Variants in NAV2 observed in about 807,000 individuals in gnomAD.
The protein encoded by NAV2 is neuron navigator 2.
In NAV2, 54 loss-of-function variants were observed where a neutral mutation model predicts 223.2. That is an observed-to-expected ratio of 0.24 (90% CI 0.19 to 0.30). The LOEUF (loss-of-function observed/expected upper bound fraction) is 0.30, where lower values mean the gene tolerates loss of function less well. NAV2 is among the 10% of genes least tolerant of loss of function. NAV2 has a pLI of 1.00. For synonymous variants in NAV2, 1,279 were observed against 1,239.3 expected (o/e 1.03, Z -0.67); for missense variants, 2,806 against 3,147.5 (o/e 0.89, Z 2.60).
At chr11:19,607,625 G>A (rs1346432035) in intron 1 of NAV2, among the ~76,000 whole-genome samples, 1 of 152,206 alleles carries the variant, frequency 6.6e-6, no homozygotes, top group Non-Finnish European at 1.5e-5. Flanking sequence ...TCATGGCTCA[G>A]CTCTTTTCCT....
intron 1 of NAV2, among the ~76,000 whole-genome samples, chr11:19,718,648 G>C (rs942363237): frequency 1.1e-4 from 17 of 151,750 alleles, no homozygotes; most frequent in Admixed American, 6.6e-5. Context: ...CTCTTTCTCA[G>C]TTCTTGGAGG....
At chr11:19,534,691 C>T (rs145821358) in intron 1 of NAV2, among the ~76,000 whole-genome samples, 1 of 152,214 alleles carries the variant, frequency 6.6e-6, no homozygotes, top group East Asian at 1.9e-4. Flanking sequence ...AGCAGGGCTC[C>T]CTGTGCAATG....
chr11:20,037,843 A>AT (rs1257383371), intron 12 of NAV2, among the ~76,000 whole-genome samples: 2 of 151,750 alleles, frequency 1.3e-5, no homozygotes, highest in African/African-American at 2.4e-5. Context: ...GTGAACACTA[A>AT]TTTTTTTTTC....
At chr11:19,480,412 C>T (rs2042242977) in intron 1 of NAV2, among the ~76,000 whole-genome samples, 1 of 152,118 alleles carries the variant, frequency 6.6e-6, no homozygotes, top group Admixed American at 6.5e-5. Flanking sequence ...ATTTGGATTC[C>T]AGAAGCTTCT....
At chr11:19,351,830 A>T (rs1358509992) in intron 1 of NAV2, among the ~76,000 whole-genome samples, 1 of 90,952 alleles carries the variant, frequency 1.1e-5, no homozygotes, top group Non-Finnish European at 2.2e-5. Flanking sequence ...AAAAAAAAAA[A>T]AAGACTTCTG....
At chr11:19,952,357 A>G (rs531217954) in intron 10 of NAV2, among the ~76,000 whole-genome samples, 205 of 152,342 alleles carry the variant, frequency 1.3e-3, no homozygotes, top group Non-Finnish European at 2.2e-3. Flanking sequence ...TTGAAGTGCT[A>G]CAATTAATAT....
At chr11:19,837,161 A>G (rs1461152781) in intron 2 of NAV2, among the ~76,000 whole-genome samples, 2 of 152,232 alleles carry the variant, frequency 1.3e-5, no homozygotes, top group Admixed American at 6.5e-5. Context: ...GACAGTGTGA[A>G]CATCAAAATC....
At chr11:19,953,421 A>T (rs1271786526) in intron 10 of NAV2, among the ~76,000 whole-genome samples, 1 of 152,044 alleles carries the variant, frequency 6.6e-6, no homozygotes, top group Non-Finnish European at 1.5e-5. Flanking sequence ...ACCTGCCACC[A>T]CCAAAAGCTG....
intron 1 of NAV2, among the ~76,000 whole-genome samples, chr11:19,438,115 T>G (rs1851274624): frequency 6.6e-6 from 1 of 152,210 alleles, no homozygotes; most frequent in African/African-American, 2.4e-5. Flanking sequence ...TGATCCACTA[T>G]CACCCATCCC....
intron 1 of NAV2, among the ~76,000 whole-genome samples, chr11:19,727,709 C>G (rs796384165): frequency 2.0e-5 from 3 of 152,206 alleles, no homozygotes; most frequent in Admixed American, 6.5e-5. Context: ...GATGTTGGAG[C>G]CTTTTTCCCT....
chr11:19,656,792 G>A (rs1249691870), intron 1 of NAV2, among the ~76,000 whole-genome samples: 2 of 152,150 alleles, frequency 1.3e-5, no homozygotes, highest in African/African-American at 2.4e-5. Context: ...GGACTGAGAC[G>A]GTAGCCACAG....
At chr11:19,349,807 C>T (rs945050570), upstream of NAV2, among the ~76,000 whole-genome samples, 5 of 152,262 alleles carry the variant, frequency 3.3e-5, no homozygotes, top group African/African-American at 1.2e-4. Context: ...TTCCTCTCTC[C>T]TCCCTCCCTG....
intron 1 of NAV2, among the ~76,000 whole-genome samples, chr11:19,650,563 T>A (rs533210163): frequency 6.6e-6 from 1 of 152,196 alleles, no homozygotes; most frequent in Non-Finnish European, 1.5e-5. Context: ...AGAACTTCCA[T>A]GCCTGGGTAT....
intron 1 of NAV2, among the ~76,000 whole-genome samples, chr11:19,552,510 C>T (rs912812867): frequency 6.6e-6 from 1 of 152,136 alleles, no homozygotes; most frequent in Non-Finnish European, 1.5e-5. Flanking sequence ...TCACTTTTCT[C>T]CCATCCCACC....
At chr11:19,739,289 G>T (rs1234823177) in intron 1 of NAV2, among the ~76,000 whole-genome samples, 1 of 152,154 alleles carries the variant, frequency 6.6e-6, no homozygotes. Context: ...ATATATACTA[G>T]ATTCTGTGTT....
rs1246229023 is a variant in NAV2 at position 19,713,522 on chromosome 11, C to T, written c.-174C>T. 2 of 1,395,978 alleles carry T rather than the reference C, an allele frequency of 1.4e-6. No individual in the cohort carries two copies. The highest frequency in any genetic ancestry group is 3.1e-5 in the Admixed American group (1 of 32,080). The allele number at this position is 1,395,978 out of a possible 1,614,324, so 86.5% of individuals were successfully genotyped here. Reference sequence around the variant, plus strand: ...TTCCCATCCCGGCACCCCAAAGGCGCGCTCGCCCGATTGCTTCGAGTTCCC... The same window carrying T: ...TTCCCATCCCGGCACCCCAAAGGCGTGCTCGCCCGATTGCTTCGAGTTCCC... On this transcript the variant is annotated 5_prime_UTR_variant, in exon 1 of 38. Transcript: ENST00000349880. This position sits in a 1 kb window ranked among gnomAD's most constrained non-coding sequence, Gnocchi z 7.2.
intron 1 of NAV2, chr11:19,506,600 G>C (rs1031490333): frequency 3.3e-5 from 5 of 152,190 alleles, no homozygotes; most frequent in Non-Finnish European, 4.4e-5. Flanking sequence ...ACTCAATACA[G>C]AGGAGCCATA....
At chr11:19,903,197 G>T (rs1401245255) in intron 6 of NAV2, among the ~76,000 whole-genome samples, 1 of 152,226 alleles carries the variant, frequency 6.6e-6, no homozygotes, top group Non-Finnish European at 1.5e-5. Flanking sequence ...CCTGATGAAG[G>T]TGTCGGGGTT....
At chr11:19,908,436 C>T (rs1714508169) in intron 6 of NAV2, among the ~76,000 whole-genome samples, 1 of 152,172 alleles carries the variant, frequency 6.6e-6, no homozygotes, top group African/African-American at 2.4e-5. Flanking sequence ...GAGGAGGAGA[C>T]ATTTTGCAGA....
Sources: allele counts gnomAD v4.1 joint callset (sites outside exome capture counted in the v4.1 genomes callset), GRCh38; gene constraint gnomAD v4.1.1; non-coding constraint Gnocchi (gnomAD v3.1); transcripts MANE v1.5; gene names NCBI Gene and HGNC (gene_info 2026-07-23, HGNC 2026-07-21).